Variants in FAM110A observed in about 807,000 individuals in gnomAD.
FAM110A encodes protein FAM110A.
Under a neutral mutation model 4.0 loss-of-function variants are expected in FAM110A, and 1 was observed. The observed-to-expected ratio is 0.25, with a 90% CI of 0.09 to 1.20. The LOEUF (loss-of-function observed/expected upper bound fraction) is 1.20, where lower values mean the gene tolerates loss of function less well. Among genes scored for constraint, FAM110A ranks in the 50% most tolerant of loss-of-function variants. FAM110A has a pLI of 0.50. For synonymous variants in FAM110A, 217 were observed against 196.8 expected, an observed-to-expected ratio of 1.10 and a Z score of -0.86; for missense variants, 436 against 429.2, an observed-to-expected ratio of 1.02 and a Z score of -0.14.
rs959145734 is a variant in FAM110A, at chr20:841,288, G to C, written c.-97-3420G>C. 3.9e-5 allele frequency: 6 copies of C among 152,262 alleles called. No homozygotes were observed. The South Asian group carries it at 6.2e-4, about 16-fold the overall frequency. 9.4% of individuals were successfully genotyped at this position (152,262 alleles called of 1,614,324 possible). On this transcript the variant is annotated intron_variant, in intron 1 of 1. Coordinates refer to ENST00000381941, the MANE Select transcript of FAM110A (RefSeq NM_001042353.3). Reference sequence around the variant, plus strand: ...GCCCCAGGTGGGCCGGGCCGGAGGAGCGCAGGCCAGCGGCGCGGGCGCAGC... The same window carrying C: ...GCCCCAGGTGGGCCGGGCCGGAGGACCGCAGGCCAGCGGCGCGGGCGCAGC...
chr20:841,778 C>T (rs1330494487), intron 1 of FAM110A, among the ~76,000 whole-genome samples: 1 of 152,174 alleles, frequency 6.6e-6, no homozygotes, highest in Non-Finnish European at 1.5e-5. Context: ...TCAGAGGGGA[C>T]ATTGAGTCGC....
intron 1 of FAM110A, among the ~76,000 whole-genome samples, chr20:844,100 G>A (rs1980101512): frequency 6.6e-6 from 1 of 152,216 alleles, no homozygotes; most frequent in Non-Finnish European, 1.5e-5. Flanking sequence ...GCGGGTGGAT[G>A]GCACAGGGCA....
At position 839,018 on chromosome 20, in the gene FAM110A, C is replaced by T. The variant is rs146379893; in HGVS notation, c.-98+5067C>T. On this transcript the variant is annotated intron_variant, in intron 1 of 1. Transcript: ENST00000381941. Reference sequence around the variant, plus strand: ...GCCCCCATTTTACAGCAGAGGAAACCGAGACTCAGAACCATGACCAGGGAG... The same window carrying T: ...GCCCCCATTTTACAGCAGAGGAAACTGAGACTCAGAACCATGACCAGGGAG... Among the ~76,000 whole-genome samples, 13 of 152,152 alleles carry T rather than the reference C, an allele frequency of 8.5e-5. No homozygotes were observed. The East Asian group carries it at 1.2e-3, about 14-fold the overall frequency.
intron 1 of FAM110A, among the ~76,000 whole-genome samples, chr20:835,190 C>CTATATATA (rs1342613466): frequency 8.0e-6 from 1 of 125,776 alleles, no homozygotes; most frequent in African/African-American, 3.2e-5. Flanking sequence ...CTCTCTCTCT[C>CTATATATA]TCTCTCTCTC....
At chr20:841,050 G>C (rs1381768408) in intron 1 of FAM110A, among the ~76,000 whole-genome samples, 1 of 152,214 alleles carries the variant, frequency 6.6e-6, no homozygotes, top group Non-Finnish European at 1.5e-5. Context: ...CCGCGCGCCA[G>C]GTGTGCGGTG....
intron 1 of FAM110A, among the ~76,000 whole-genome samples, chr20:835,402 G>T (rs1183397868): frequency 6.6e-6 from 1 of 151,952 alleles, no homozygotes. Context: ...GTGCACTCAG[G>T]CCTGGGCAGA....
chr20:844,448 C>T (rs62187466), intron 1 of FAM110A, among the ~76,000 whole-genome samples: 20 of 1,502 alleles, frequency 0.013, no homozygotes, highest in African/African-American at 0.052. Context: ...TTGCCCAGGT[C>T]GCCCAGGTCT....
rs1032901132 is a variant in FAM110A at position 845,896 on chromosome 20, A to G, written c.*204A>G. 2 of 1,108,830 alleles carry G rather than the reference A, an allele frequency of 1.8e-6. No homozygotes were observed. Among genetic ancestry groups the G allele is most frequent in the East Asian group, 5.5e-5 (2 of 36,466 alleles). 68.7% of individuals were successfully genotyped at this position (1,108,830 alleles called of 1,614,324 possible). A position where few individuals can be genotyped will look rare whatever the true frequency, so the allele number is the denominator to read the frequency against. On this transcript the variant is annotated 3_prime_UTR_variant, in exon 2 of 2. Transcript: ENST00000381941. ...AAGGGTTTTGTTCTTGGCTTTGGAC[A>G]CCTGAGAACCCCCTCCTCCCCTCCC...
At chr20:839,650 G>A in intron 1 of FAM110A, 1 of 1,185,852 alleles carries the variant, frequency 8.4e-7, no homozygotes, top group Admixed American at 1.7e-5. Flanking sequence ...CCAGTCTCTG[G>A]ACGGCTGCGG....
intron 1 of FAM110A, among the ~76,000 whole-genome samples, chr20:835,219 C>CA (rs797012572): frequency 1.3e-5 from 2 of 148,748 alleles, no homozygotes; most frequent in South Asian, 4.2e-4. Context: ...TATATACACA[C>CA]ACACATATAT....
chr20:842,684 A>G (rs1486540971), intron 1 of FAM110A, among the ~76,000 whole-genome samples: 3 of 152,218 alleles, frequency 2.0e-5, no homozygotes, highest in South Asian at 2.1e-4. Flanking sequence ...GTTCGCAGAC[A>G]TATTTTGTTT....
chr20:839,876 C>T, intron 1 of FAM110A: 3 of 1,605,530 alleles, frequency 1.9e-6, no homozygotes, highest in Non-Finnish European at 2.6e-6. Context: ...TGTCTGCCAG[C>T]TCCGGGTGCT....
intron 1 of FAM110A, among the ~76,000 whole-genome samples, chr20:835,739 A>C (rs751986464): frequency 6.6e-6 from 1 of 152,194 alleles, no homozygotes; most frequent in Non-Finnish European, 1.5e-5. Flanking sequence ...GCCTCCAGAA[A>C]TAGCTCAGGG....
chr20:833,915 G>A lies in FAM110A; in HGVS notation c.-134G>A, dbSNP rs1026876814. The A allele has an allele frequency of 3.9e-5, 6 of 152,388 alleles. No individual in the cohort carries two copies. Among genetic ancestry groups the A allele is most frequent in the Admixed American group, 1.3e-4 (2 of 15,308 alleles). 9.4% of individuals were successfully genotyped at this position (152,388 alleles called of 1,614,324 possible). On this transcript the variant is annotated 5_prime_UTR_variant, in exon 1 of 2. Transcript: ENST00000381941. The surrounding 1 kb of genome is among the most constrained non-coding windows in gnomAD (Gnocchi z 4.1). ...AGCTGTCAGCCTCTCCAAAGCCTGC[G>A]CGAGAGGAGCCGGGACACGCCTAGC...
chr20:845,115 T>G lies in FAM110A; in HGVS notation c.311T>G (p.Leu104Arg), dbSNP rs1980218005. The change falls in exon 2 of 2, where the codon CTG becomes CGG. Residue 104 changes from leucine to arginine, a missense_variant. Leu to Arg is a moderately radical substitution (Grantham distance 102, BLOSUM62 -2). Coordinates refer to ENST00000381941, the MANE Select transcript of FAM110A (RefSeq NM_001042353.3). ...CCCTGCCGACGGCCCCAGCTGGACC[T>G]GGACATCCTCAGCAGCCTCATCGAC... ...PGPCRRPQLDLDILSSLIDLC... is the reference protein window; with the variant it reads ...PGPCRRPQLDRDILSSLIDLC... The G allele has an allele frequency of 6.3e-7, 1 of 1,590,796 alleles. No homozygotes were observed. Among genetic ancestry groups the G allele is most frequent in the African/African-American group, 1.3e-5 (1 of 74,238 alleles).
chr20:845,767 A>T lies in FAM110A; in HGVS notation c.*75A>T. 2 of 1,583,316 alleles carry T rather than the reference A, an allele frequency of 1.3e-6. No homozygotes were observed. The highest frequency in any genetic ancestry group is 1.7e-6 in the Non-Finnish European group (2 of 1,165,184). ...TGGTCCCTGGACCTCTCTTGCATCC[A>T]TTCTCTAGACGGCCGTGTCAGAGGC... On this transcript the variant is annotated 3_prime_UTR_variant, in exon 2 of 2. Coordinates refer to ENST00000381941, the MANE Select transcript of FAM110A (RefSeq NM_001042353.3).
intron 1 of FAM110A, among the ~76,000 whole-genome samples, chr20:836,544 T>C (rs1294247088): frequency 1.3e-5 from 2 of 152,240 alleles, no homozygotes; most frequent in Non-Finnish European, 2.9e-5. Context: ...TAGAATTTTC[T>C]TTTTTATGGC....
At chr20:844,650 A>T in intron 1 of FAM110A, 58 bp from the exon 2 acceptor site, 1 of 1,225,058 alleles carries the variant, frequency 8.2e-7, no homozygotes, top group South Asian at 2.3e-5. Flanking sequence ...GCCGCGGCTG[A>T]GCCTCTTTGT....
rs2282051 is a variant in FAM110A, at chr20:845,870, C to G, written c.*178C>G. 169,409 of 1,369,082 alleles carry G rather than the reference C, an allele frequency of 0.12. 11,122 individuals carry two copies. Among genetic ancestry groups the G allele is most frequent in the East Asian group, 0.18 (7,138 of 38,948 alleles). 84.8% of individuals were successfully genotyped at this position (1,369,082 alleles called of 1,614,324 possible). On this transcript the variant is annotated 3_prime_UTR_variant, in exon 2 of 2. Coordinates refer to ENST00000381941, the MANE Select transcript of FAM110A (RefSeq NM_001042353.3). ...CATTGTTGGGCAAGGACTGACTCTCCAAGGGTTTTGTTCTTGGCTTTGGAC... is the reference window on the plus strand; with the variant it reads ...CATTGTTGGGCAAGGACTGACTCTCGAAGGGTTTTGTTCTTGGCTTTGGAC...
Sources: gnomAD v4.1 joint callset for allele counts (sites outside exome capture counted in the v4.1 genomes callset) on GRCh38, gnomAD v4.1.1 for gene constraint, Gnocchi (gnomAD v3.1) non-coding constraint, MANE v1.5 for transcripts, NCBI Gene and HGNC (gene_info 2026-07-23, HGNC 2026-07-21) for gene names.